The following SEMA6D variants were observed in gnomAD, a reference collection of about 807,000 sequenced individuals.
SEMA6D encodes semaphorin-6D.
In SEMA6D, 35 loss-of-function variants were observed where a neutral mutation model predicts 106.6. That is an observed-to-expected ratio of 0.33 (90% CI 0.25 to 0.44). The LOEUF is 0.44. Ranked by LOEUF, SEMA6D falls within the 20% of genes least tolerant of loss-of-function variation. The pLI is 1.00. For synonymous variants in SEMA6D, 499 were observed against 487.7 expected, an observed-to-expected ratio of 1.02 and a Z score of -0.31; for missense variants, 1,185 against 1,345.9, an observed-to-expected ratio of 0.88 and a Z score of 1.87.
chr15:47,509,278 G>A (rs1443977037), intron 3 of SEMA6D, among the ~76,000 whole-genome samples: 3 of 150,058 alleles, frequency 2.0e-5, no homozygotes, highest in Non-Finnish European at 4.4e-5. Context: ...CCTACACTGT[G>A]CCCAAACTGG....
At position 47,574,082 on chromosome 15, in the gene SEMA6D, A is replaced by G. The variant is rs118152637; in HGVS notation, c.-86-26783A>G. ...GATCCAGGCAAGAACTTCTTCTCTG[A>G]TGTGAAGCCAACTGGGTTTCAACTC... On this transcript the variant is annotated intron_variant, in intron 3 of 19. Coordinates refer to the SEMA6D transcript ENST00000558014. Among the ~76,000 whole-genome samples, 1,511 of 152,282 alleles carry G rather than the reference A, an allele frequency of 9.9e-3. 10 individuals are homozygous for G. Among genetic ancestry groups the G allele is most frequent in the Admixed American group, 0.021 (319 of 15,296 alleles).
chr15:47,291,436 T>C (rs1273096994), intron 1 of SEMA6D, among the ~76,000 whole-genome samples: 1 of 152,202 alleles, frequency 6.6e-6, no homozygotes, highest in African/African-American at 2.4e-5. Flanking sequence ...CACTGGACTC[T>C]CACCTGCAGA....
At chr15:47,668,089 A>C (rs2078063622) in intron 4 of SEMA6D, among the ~76,000 whole-genome samples, 1 of 152,234 alleles carries the variant, frequency 6.6e-6, no homozygotes. Context: ...ATTGCTTTGG[A>C]AAAATGAATG....
chr15:47,279,045 T>C (rs1188346366), intron 1 of SEMA6D, among the ~76,000 whole-genome samples: 3 of 107,462 alleles, frequency 2.8e-5, no homozygotes, highest in African/African-American at 7.5e-5. Flanking sequence ...AGTCAGGTAG[T>C]GTGATGCCTC....
chr15:47,339,688 G>A (rs547288047), intron 1 of SEMA6D, among the ~76,000 whole-genome samples: 5 of 152,102 alleles, frequency 3.3e-5, no homozygotes, highest in Admixed American at 1.3e-4. Context: ...ATGAAACCCC[G>A]TCTTCATTAA....
intron 1 of SEMA6D, among the ~76,000 whole-genome samples, chr15:47,345,294 C>G (rs2038000073): frequency 6.6e-6 from 1 of 151,856 alleles, no homozygotes; most frequent in Non-Finnish European, 1.5e-5. Flanking sequence ...CATAAGGGAC[C>G]AACACTAACA....
At position 47,298,619 on chromosome 15, in the gene SEMA6D, A is replaced by G. The variant is rs541633536; in HGVS notation, c.-238-113774A>G. ...ACCCATTACGTCTGTGCAATGCTCCATCAACTCTGTTTTCACATCTGCCCT... is the reference window on the plus strand; with the variant it reads ...ACCCATTACGTCTGTGCAATGCTCCGTCAACTCTGTTTTCACATCTGCCCT... On this transcript the variant is annotated intron_variant, in intron 1 of 19. Coordinates refer to the SEMA6D transcript ENST00000558014. 3.3e-5 allele frequency among the ~76,000 whole-genome samples: 5 copies of G among 152,248 alleles called. No individual in the cohort carries two copies. The South Asian group carries it at 1.0e-3, about 32-fold the overall frequency.
intron 1 of SEMA6D, among the ~76,000 whole-genome samples, chr15:47,737,176 T>C (rs2080495009): frequency 6.6e-6 from 1 of 152,168 alleles, no homozygotes; most frequent in African/African-American, 2.4e-5. Context: ...TTTCTTAGGG[T>C]ACACCCACAG....
At chr15:47,727,208 C>T (rs760448185) in intron 1 of SEMA6D, among the ~76,000 whole-genome samples, 2 of 152,182 alleles carry the variant, frequency 1.3e-5, no homozygotes, top group South Asian at 4.1e-4. Context: ...TCTGTCGTCA[C>T]GCACATCTTT....
At chr15:47,761,979 C>T (rs1795186935) in intron 7 of SEMA6D, among the ~76,000 whole-genome samples, 1 of 152,108 alleles carries the variant, frequency 6.6e-6, no homozygotes, top group African/African-American at 2.4e-5. Context: ...GCCAGTGGCC[C>T]CCGATAAGTT....
intron 2 of SEMA6D, among the ~76,000 whole-genome samples, chr15:47,448,547 A>T (rs1465377400): frequency 6.6e-6 from 1 of 152,132 alleles, no homozygotes; most frequent in Admixed American, 6.6e-5. Context: ...ATATTTGTCC[A>T]ATAAATGGTT....
intron 1 of SEMA6D, among the ~76,000 whole-genome samples, chr15:47,261,004 A>G (rs1036255741): frequency 3.9e-5 from 6 of 152,078 alleles, no homozygotes; most frequent in Admixed American, 6.6e-5. Context: ...TGCTGTCCCA[A>G]ACAATTTACC....
rs200592963 is a variant in SEMA6D at position 47,771,171 on chromosome 15, C to T, written c.2608C>T (p.Arg870Trp). The T allele has an allele frequency of 9.6e-5, 155 of 1,614,030 alleles. No homozygotes were observed. The highest frequency in any genetic ancestry group is 1.1e-4 in the Non-Finnish European group (135 of 1,179,978). The part of the protein sequence containing the change: ...LTKSSSKRDH[R>W]RSVDSRNTLN... ...AAAGTCATCCAGTAAGAGAGATCAC[C>T]GGCGTTCTGTTGATTCCAGAAATAC... Residue 870 changes from arginine (R) to tryptophan (W), a missense_variant, in exon 19 of 19, where the codon CGG becomes TGG. Transcript: ENST00000536845.
intron 1 of SEMA6D, chr15:47,730,672 C>T (rs1596831313): frequency 6.2e-6 from 10 of 1,608,318 alleles, no homozygotes; most frequent in Middle Eastern, 2.0e-4. Flanking sequence ...CGCTGTTTGG[C>T]GGTCCAGGGC....
At chr15:47,403,608 T>G (rs1264131749) in intron 1 of SEMA6D, among the ~76,000 whole-genome samples, 1 of 152,200 alleles carries the variant, frequency 6.6e-6, no homozygotes, top group African/African-American at 2.4e-5. Context: ...TTAGGTACAT[T>G]GGTGGCACAG....
intron 1 of SEMA6D, among the ~76,000 whole-genome samples, chr15:47,308,926 G>T (rs920268860): frequency 6.6e-6 from 1 of 152,074 alleles, no homozygotes; most frequent in Non-Finnish European, 1.5e-5. Context: ...TATTGATTTG[G>T]CATCATATGG....
At chr15:47,266,185 C>G (rs2034308674) in intron 1 of SEMA6D, among the ~76,000 whole-genome samples, 1 of 152,064 alleles carries the variant, frequency 6.6e-6, no homozygotes. Context: ...TCCAATGAAT[C>G]TCCTAATTTA....
At chr15:47,588,811 C>T (rs1015533306) in intron 3 of SEMA6D, among the ~76,000 whole-genome samples, 26 of 152,168 alleles carry the variant, frequency 1.7e-4, no homozygotes, top group African/African-American at 6.3e-4. Context: ...AGCAAAGAGC[C>T]GAAGAGAGGG....
chr15:47,304,035 C>T (rs2036127497), intron 1 of SEMA6D, among the ~76,000 whole-genome samples: 1 of 152,088 alleles, frequency 6.6e-6, no homozygotes, highest in Admixed American at 6.6e-5. Context: ...TTAAATACAC[C>T]ATCTTAGGGA....
Sources: gnomAD v4.1 joint callset for allele counts (sites outside exome capture counted in the v4.1 genomes callset) on GRCh38, gnomAD v4.1.1 for gene constraint, MANE v1.5 for transcripts, NCBI Gene and HGNC (gene_info 2026-07-23, HGNC 2026-07-21) for gene names.